The following MASP2 variants were observed in gnomAD, a reference collection of about 807,000 sequenced individuals.
The protein encoded by MASP2 is mannan-binding lectin serine protease 2.
MASP2 carries 49 observed loss-of-function variants against 57.1 expected under a neutral mutation model. The ratio of observed to expected loss-of-function variants is 0.86; its 90% CI spans 0.68 to 1.09. The LOEUF (loss-of-function observed/expected upper bound fraction) is 1.09. Ranked by LOEUF, MASP2 falls within the 50% of genes least tolerant of loss-of-function variation. MASP2 has a pLI of 0.00. For missense variants in MASP2, 900 were observed against 874.8 expected (o/e 1.03, Z -0.36); for synonymous variants, 379 against 340.8 (o/e 1.11, Z -1.24).
In MASP2 at chr1:11,027,170, A is replaced by G. The variant is rs1164834457; in HGVS notation, c.1776T>C (p.Ile592=). ...CAGCAGTACATTTTTGATGGTCAACAATCGGTATGTCGACATACATTAGAT... is the reference window on the plus strand; with the variant it reads ...CAGCAGTACATTTTTGATGGTCAACGATCGGTATGTCGACATACATTAGAT... The part of the protein sequence containing the change: ...ARNLMYVDIP[I]VDHQKCTAAY... The change falls in exon 11 of 11, where the codon ATT becomes ATC. Residue 592 remains isoleucine, a synonymous_variant. Coordinates refer to ENST00000400897, the MANE Select transcript of MASP2 (RefSeq NM_006610.4). 3 of 1,614,170 alleles carry G rather than the reference A, an allele frequency of 1.9e-6. No homozygotes were observed. Among genetic ancestry groups the G allele is most frequent in the Non-Finnish European group, 2.5e-6 (3 of 1,180,014 alleles).
Position 11,034,886 on chromosome 1 carries a change from G to T in MASP2, c.1029C>A (p.Ser343=), listed in dbSNP as rs758339774. The T allele has an allele frequency of 1.9e-6, 3 of 1,612,332 alleles. No homozygotes were observed. The highest frequency in any genetic ancestry group is 2.5e-6 in the Non-Finnish European group (3 of 1,179,252). ...CATCTTTCTGACAAACTGCAGTAAA[G>T]GATTTCAGGGGCAAGTGACCCTAAA... is the stretch of plus-strand genomic sequence containing the variant. ...ELLQGHLPLK[S]FTAVCQKDGS... The change falls in exon 8 of 11, where the codon TCC becomes TCA. Residue 343 remains serine, a synonymous_variant. Coordinates refer to ENST00000400897, the MANE Select transcript of MASP2 (RefSeq NM_006610.4).
At chr1:11,044,256 C>T (rs1368349532) in intron 4 of MASP2, among the ~76,000 whole-genome samples, 1 of 152,086 alleles carries the variant, frequency 6.6e-6, no homozygotes, top group Non-Finnish European at 1.5e-5. Flanking sequence ...GCTCTCCTTC[C>T]TCGCTGGAAC....
Position 11,030,865 on chromosome 1 carries a change from G to A in MASP2, c.1105C>T (p.Pro369Ser). 2.5e-6 allele frequency: 4 copies of A among 1,613,164 alleles called. No homozygotes were observed. Among genetic ancestry groups the A allele is most frequent in the Non-Finnish European group, 3.4e-6 (4 of 1,179,698 alleles). Reference protein sequence around the residue: ...PACSIVDCGPPDDLPSGRVEY... With the variant: ...PACSIVDCGPSDDLPSGRVEY... The stretch of plus-strand genomic sequence containing the variant: ...ACTCGGCCACTGGGTAGATCATCAG[G>A]AGGGCCACAGTCAACAACTAAGAAA... The change falls in exon 9 of 11, where the codon CCT (proline) becomes TCT (serine). Residue 369 changes from proline to serine, a missense_variant. Transcript: ENST00000400897.
At chr1:11,032,393 C>G (rs1048127799) in intron 8 of MASP2, among the ~76,000 whole-genome samples, 1 of 152,092 alleles carries the variant, frequency 6.6e-6, no homozygotes, top group African/African-American at 2.4e-5. Context: ...GGGTGGATCA[C>G]TTGAGATTAG....
Position 11,026,740 on chromosome 1 carries a change from G to T in MASP2, c.*145C>A. ...TAAACTGGCAAGTGGAGAAATGACA[G>T]CAGCCTCACCTGGAGTCTGTTTTTT... On this transcript the variant is annotated 3_prime_UTR_variant, in exon 11 of 11. Transcript: ENST00000400897. 1 of 566,596 alleles carries T rather than the reference G, an allele frequency of 1.8e-6. No individual in the cohort carries two copies. The highest frequency in any genetic ancestry group is 2.8e-6 in the Non-Finnish European group (1 of 353,162). The allele number at this position is 566,596 out of a possible 1,614,324, so 35.1% of individuals were successfully genotyped here.
In MASP2 at chr1:11,042,998, C is replaced by T. The variant is rs1247027867; in HGVS notation, c.766G>A (p.Gly256Ser). 6.2e-7 allele frequency: 1 copy of T among 1,614,006 alleles called. No individual in the cohort carries two copies. Among genetic ancestry groups the T allele is most frequent in the Admixed American group, 1.7e-5 (1 of 60,014 alleles). The change falls in exon 6 of 11, where the codon GGC becomes AGC. Residue 256 changes from glycine to serine, a missense_variant. Physicochemically the swap from Gly to Ser is moderately conservative, Grantham distance 56. Coordinates refer to ENST00000400897, the MANE Select transcript of MASP2 (RefSeq NM_006610.4). The stretch of plus-strand genomic sequence containing the variant: ...GGCAATGTCTTCCCACAGAATGGGC[C>T]ATGTTCTTCTCTGTCTGTTTGAATC... ...LKIQTDREEHGPFCGKTLPHR... is the reference protein window; with the variant it reads ...LKIQTDREEHSPFCGKTLPHR...
In MASP2 at chr1:11,026,545, CAA is replaced by C. The variant is rs1270400182; in HGVS notation, c.*338_*339del. On this transcript the variant is annotated 3_prime_UTR_variant, in exon 11 of 11. Coordinates refer to ENST00000400897, the MANE Select transcript of MASP2 (RefSeq NM_006610.4). ...AGATCAATAAGAACAAGTTTAAAAA[CAA>C]AGAGCATGGACAGGCAGTTTACAGA... is the stretch of plus-strand genomic sequence containing the variant. The C allele has an allele frequency of 1.7e-5, 3 of 181,066 alleles. No individual in the cohort carries two copies. Among genetic ancestry groups the C allele is most frequent in the East Asian group, 2.8e-4 (2 of 7,034 alleles). The allele number at this position is 181,066 out of a possible 1,614,324, so 11.2% of individuals were successfully genotyped here.
At chr1:11,037,552 CTTTT>C (rs1316540712) in intron 7 of MASP2, 137 bp downstream of exon 7, 34 of 547,582 alleles carry the variant, frequency 6.2e-5, no homozygotes, top group Non-Finnish European at 1.9e-5. Context: ...TATTTCTTGG[CTTTT>C]TATCATTTAA....
chr1:11,033,825 C>G (rs532845806), intron 8 of MASP2, among the ~76,000 whole-genome samples: 13 of 150,558 alleles, frequency 8.6e-5, no homozygotes, highest in African/African-American at 2.4e-4. Context: ...CCTAGCTACT[C>G]AGGAGGCTGA....
chr1:11,030,813 G>A lies in MASP2; in HGVS notation c.1157C>T (p.Thr386Ile), dbSNP rs1643831046. The A allele has an allele frequency of 6.2e-7, 1 of 1,613,810 alleles. No homozygotes were observed. Among genetic ancestry groups the A allele is most frequent in the Non-Finnish European group, 8.5e-7 (1 of 1,179,772 alleles). The change falls in exon 9 of 11, where the codon ACC becomes ATC. Residue 386 changes from threonine to isoleucine, a missense_variant. Thr to Ile is a moderately conservative substitution (Grantham distance 89). Coordinates refer to ENST00000400897, the MANE Select transcript of MASP2 (RefSeq NM_006610.4). Reference protein sequence around the residue: ...RVEYITGPGVTTYKAVIQYSC... With the variant: ...RVEYITGPGVITYKAVIQYSC... Reference sequence around the variant, plus strand: ...GTACTGAATCACAGCTTTGTAGGTGGTCACTCCAGGACCTGTGATGTACTC... The same window carrying A: ...GTACTGAATCACAGCTTTGTAGGTGATCACTCCAGGACCTGTGATGTACTC...
Position 11,026,916 on chromosome 1 carries a change from G to A in MASP2, c.2030C>T (p.Pro677Leu). ...ATCACTAATTATGTTCTCGATCCAGGGAATATAGTTAATAACTTTTGTGTA... is the reference window on the plus strand; with the variant it reads ...ATCACTAATTATGTTCTCGATCCAGAGAATATAGTTAATAACTTTTGTGTA... ...GVYTKVINYI[P>L]WIENIISDF The change falls in exon 11 of 11, where the codon CCC becomes CTC. Residue 677 changes from proline (P) to leucine (L), a missense_variant. Coordinates refer to ENST00000400897, the MANE Select transcript of MASP2 (RefSeq NM_006610.4). 1 of 1,497,202 alleles carries A rather than the reference G, an allele frequency of 6.7e-7. No individual in the cohort carries two copies. The highest frequency in any genetic ancestry group is 8.9e-7 in the Non-Finnish European group (1 of 1,124,074). The allele number at this position is 1,497,202 out of a possible 1,614,324, so 92.7% of individuals were successfully genotyped here. A position where few individuals can be genotyped will look rare whatever the true frequency, so the allele number is the denominator to read the frequency against.
rs972483649 is a variant in MASP2, at chr1:11,027,182, G to A, written c.1764C>T (p.Val588=). The A allele has an allele frequency of 6.2e-6, 10 of 1,613,956 alleles. No individual in the cohort carries two copies. Among genetic ancestry groups the A allele is most frequent in the Non-Finnish European group, 8.5e-6 (10 of 1,180,042 alleles). Residue 588 remains valine (V), a synonymous_variant, in exon 11 of 11, where the codon GTC becomes GTT. Transcript: ENST00000400897. ...TTTGATGGTCAACAATCGGTATGTC[G>A]ACATACATTAGATTTCTAGCAAGAA... ...RGFLARNLMY[V]DIPIVDHQKC...
At chr1:11,046,813 C>G in intron 2 of MASP2, 78 bp downstream of exon 2, 2 of 1,553,790 alleles carry the variant, frequency 1.3e-6, no homozygotes, top group Non-Finnish European at 1.7e-6. Context: ...CCCCTGCTCC[C>G]AGGTGTCCCT....
chr1:11,035,528 A>AATT (rs1643880476), intron 7 of MASP2, among the ~76,000 whole-genome samples: 1 of 147,540 alleles, frequency 6.8e-6, no homozygotes, highest in Admixed American at 6.8e-5. Flanking sequence ...CCCTGTCTCA[A>AATT]ATCATCATCA....
At chr1:11,041,942 A>G (rs1057233240) in intron 6 of MASP2, among the ~76,000 whole-genome samples, 5 of 146,912 alleles carry the variant, frequency 3.4e-5, no homozygotes, top group Non-Finnish European at 7.5e-5. Context: ...AGGTAGAAGT[A>G]TAAGTGGATG....
In MASP2 at chr1:11,043,408, A is replaced by T; in HGVS notation, c.672T>A (p.Ile224=). 6.2e-7 allele frequency: 1 copy of T among 1,610,838 alleles called. No homozygotes were observed. The highest frequency in any genetic ancestry group is 8.5e-7 in the Non-Finnish European group (1 of 1,178,944). The change falls in exon 5 of 11, where the codon ATT becomes ATA. Residue 224 remains isoleucine, a synonymous_variant. Coordinates refer to ENST00000400897, the MANE Select transcript of MASP2 (RefSeq NM_006610.4). ...SISLEEGFSV[I]LDFVESFDVE... ...CATCGAAGGACTCCACAAAGTCCAG[A>T]ATGACACTGAACCCCTCCTCCAGGC...
At chr1:11,041,615 A>G (rs1360182250) in intron 6 of MASP2, among the ~76,000 whole-genome samples, 3 of 146,814 alleles carry the variant, frequency 2.0e-5, no homozygotes, top group African/African-American at 7.7e-5. Flanking sequence ...GGATGGATGG[A>G]TGGATGGATG....
intron 6 of MASP2, among the ~76,000 whole-genome samples, chr1:11,039,180 GC>G (rs2100891497): frequency 6.6e-6 from 1 of 152,348 alleles, no homozygotes; most frequent in Admixed American, 6.5e-5. Context: ...CCAGTGCTTG[GC>G]TCTAGGCTGT....
chr1:11,030,799 C>G lies in MASP2; in HGVS notation c.1171G>C (p.Val391Leu). Residue 391 changes from valine (V) to leucine (L), a missense_variant, in exon 9 of 11, where the codon GTG (valine) becomes CTG (leucine). Val to Leu is a conservative substitution (Grantham distance 32). Coordinates refer to ENST00000400897, the MANE Select transcript of MASP2 (RefSeq NM_006610.4). ...GTCTCTTCACAGCTGTACTGAATCA[C>G]AGCTTTGTAGGTGGTCACTCCAGGA... is the stretch of plus-strand genomic sequence containing the variant. The part of the protein sequence containing the change: ...TGPGVTTYKA[V>L]IQYSCEETFY... 2 of 1,614,028 alleles carry G rather than the reference C, an allele frequency of 1.2e-6. No homozygotes were observed. The highest frequency in any genetic ancestry group is 1.7e-6 in the Non-Finnish European group (2 of 1,179,982).
Sources: gnomAD v4.1 joint callset for allele counts (sites outside exome capture counted in the v4.1 genomes callset) on GRCh38, gnomAD v4.1.1 for gene constraint, MANE v1.5 for transcripts, NCBI Gene and HGNC (gene_info 2026-07-23, HGNC 2026-07-21) for gene names.